REDIC1: variants seen among roughly 807,000 people sequenced by gnomAD.
The protein encoded by REDIC1 is HEI10 Interacting Protein 1.
At chr12:39,830,254 A>G in the REDIC1 span, 1 of 1,605,956 alleles carries the variant, frequency 6.2e-7, no homozygotes, top group Non-Finnish European at 8.5e-7. Context: ...AGTTACCGTC[A>G]TGTTGGCAGA....
At chr12:39,719,037 A>C in the REDIC1 span, among the ~76,000 whole-genome samples, 2 of 152,148 alleles carry the variant, frequency 1.3e-5, no homozygotes, top group Non-Finnish European at 2.9e-5. Flanking sequence ...AAGGTATTTC[A>C]CAAAAGTACA....
the REDIC1 span, among the ~76,000 whole-genome samples, chr12:39,707,506 G>T: frequency 1.3e-5 from 2 of 151,914 alleles, no homozygotes; most frequent in East Asian, 1.9e-4. Context: ...CCCACTGCTG[G>T]ATATATACCC....
At chr12:39,779,351 G>A in the REDIC1 span, among the ~76,000 whole-genome samples, 4 of 152,148 alleles carry the variant, frequency 2.6e-5, no homozygotes, top group Non-Finnish European at 4.4e-5. Flanking sequence ...TGAGAGAACT[G>A]ATGTTTTTCT....
the REDIC1 span, among the ~76,000 whole-genome samples, chr12:39,873,912 C>T: frequency 6.6e-6 from 1 of 152,270 alleles, no homozygotes; most frequent in Middle Eastern, 3.4e-3. Flanking sequence ...GGTTAGGTAA[C>T]ATAATCACTT....
the REDIC1 span, among the ~76,000 whole-genome samples, chr12:39,687,833 C>G: frequency 3.3e-5 from 5 of 152,256 alleles, no homozygotes; most frequent in East Asian, 7.7e-4. Flanking sequence ...TACAACAGTG[C>G]TAGGAAGTTT....
At chr12:39,712,750 C>T in the REDIC1 span, among the ~76,000 whole-genome samples, 1 of 141,154 alleles carries the variant, frequency 7.1e-6, no homozygotes, top group Middle Eastern at 5.0e-3. Flanking sequence ...GACGTGTACA[C>T]ATATGTGTAT....
the REDIC1 span, among the ~76,000 whole-genome samples, chr12:39,763,681 G>A: frequency 4.6e-5 from 7 of 152,056 alleles, no homozygotes; most frequent in African/African-American, 1.4e-4. Flanking sequence ...CAGGCATTCC[G>A]TCTCTACCAC....
chr12:39,821,432 T>G, the REDIC1 span, among the ~76,000 whole-genome samples: 1 of 151,940 alleles, frequency 6.6e-6, no homozygotes, highest in African/African-American at 2.4e-5. Context: ...TTTTTTTTTG[T>G]GCCCTTCCAC....
chr12:39,711,626 C>G, the REDIC1 span, among the ~76,000 whole-genome samples: 1 of 52,088 alleles, frequency 1.9e-5, no homozygotes. Context: ...TGTGTATACA[C>G]GTATGTGTAT....
At chr12:39,640,566 T>C in the REDIC1 span, among the ~76,000 whole-genome samples, 1 of 151,992 alleles carries the variant, frequency 6.6e-6, no homozygotes, top group Non-Finnish European at 1.5e-5. Context: ...CTCTGTTCTC[T>C]GTAGATTTCA....
chr12:39,669,496 C>T, the REDIC1 span, among the ~76,000 whole-genome samples: 1,859 of 152,196 alleles, frequency 0.012, 29 homozygotes, highest in African/African-American at 0.042. Context: ...GCTACTCGGG[C>T]GTCAGGGACC....
chr12:39,817,034 A>AG, the REDIC1 span, among the ~76,000 whole-genome samples: 10 of 151,968 alleles, frequency 6.6e-5, no homozygotes, highest in African/African-American at 2.2e-4. Flanking sequence ...AAATGCCTTG[A>AG]GGGAAAAAAA....
chr12:39,884,024 T>C, the REDIC1 span, among the ~76,000 whole-genome samples: 2 of 152,210 alleles, frequency 1.3e-5, no homozygotes, highest in African/African-American at 4.8e-5. Flanking sequence ...AATAAGCATG[T>C]ATTATTTAAA....
chr12:39,634,795 T>C, the REDIC1 span, among the ~76,000 whole-genome samples: 2,121 of 152,158 alleles, frequency 0.014, 49 homozygotes, highest in African/African-American at 0.048. Context: ...GGGATCTAAT[T>C]AAACTAAAGA....
the REDIC1 span, among the ~76,000 whole-genome samples, chr12:39,732,597 AC>A: frequency 6.6e-6 from 1 of 152,218 alleles, no homozygotes; most frequent in Non-Finnish European, 1.5e-5. Context: ...CTATTAAGAT[AC>A]CTAGCAGTAT....
chr12:39,664,854 G>C, the REDIC1 span, among the ~76,000 whole-genome samples: 1 of 152,098 alleles, frequency 6.6e-6, no homozygotes, highest in Non-Finnish European at 1.5e-5. Flanking sequence ...TCATGTGTCT[G>C]TTGGCTGCAT....
chr12:39,844,509 A>C, the REDIC1 span, among the ~76,000 whole-genome samples: 2 of 152,122 alleles, frequency 1.3e-5, no homozygotes, highest in African/African-American at 2.4e-5. Flanking sequence ...CGAAAATAAA[A>C]GTTCAAAAGC....
At chr12:39,902,537 T>C in the REDIC1 span, among the ~76,000 whole-genome samples, 1 of 152,032 alleles carries the variant, frequency 6.6e-6, no homozygotes, top group Admixed American at 6.6e-5. Flanking sequence ...CTCATGTTTT[T>C]AAGCACTACC....
At chr12:39,872,960 T>G in the REDIC1 span, among the ~76,000 whole-genome samples, 1 of 152,210 alleles carries the variant, frequency 6.6e-6, no homozygotes, top group Non-Finnish European at 1.5e-5. Flanking sequence ...TAGTTAAAAA[T>G]CTACAGTTTG....
Sources: gnomAD v4.1 joint callset for allele counts (sites outside exome capture counted in the v4.1 genomes callset) on GRCh38, gnomAD v4.1.1 for gene constraint, MANE v1.5 for transcripts, NCBI Gene and HGNC (gene_info 2026-07-23, HGNC 2026-07-21) for gene names.